The following KDM6A variants were observed in gnomAD, a reference collection of about 807,000 sequenced individuals.
KDM6A encodes lysine demethylase 6A.
A neutral mutation model predicts 117.6 loss-of-function variants in KDM6A; 11 were observed. The ratio of observed to expected loss-of-function variants is 0.09; its 90% CI spans 0.06 to 0.15. The LOEUF (loss-of-function observed/expected upper bound fraction) is 0.15. Ranked by LOEUF, KDM6A falls within the 10% of genes least tolerant of loss-of-function variation. The pLI is 1.00. For missense variants in KDM6A, 799 were observed against 1,077.3 expected (o/e 0.74, Z 3.62); for synonymous variants, 384 against 396.1 (o/e 0.97, Z 0.36).
At chrX:45,054,244 T>C (rs1286009680) in intron 10 of KDM6A, among the ~76,000 whole-genome samples, 1 of 111,979 alleles carries the variant, frequency 8.9e-6, no homozygotes, top group Non-Finnish European at 1.9e-5. Context: ...ATAGTAACTT[T>C]TAATGAAGTA....
chrX:45,110,986 C>G (rs1472437879), intron 29 of KDM6A, among the ~76,000 whole-genome samples: 1 of 111,969 alleles, frequency 8.9e-6, no homozygotes, highest in African/African-American at 3.2e-5. Context: ...AGAAAATTAT[C>G]TGAAATATGT....
At position 45,078,466 on chromosome X, in the gene KDM6A, G is replaced by A; in HGVS notation, c.3055G>A (p.Val1019Ile). 1 of 1,209,699 alleles carries A rather than the reference G, an allele frequency of 8.3e-7. No individual in the cohort carries two copies. Among genetic ancestry groups the A allele is most frequent in the East Asian group, 3.0e-5 (1 of 33,736 alleles). The change falls in exon 20 of 30, where the codon GTT becomes ATT. Residue 1019 changes from valine to isoleucine, a missense_variant. This residue lies in a region of KDM6A where 291 missense variants were observed against 437.9 expected (regional missense o/e 0.66). Coordinates refer to ENST00000611820, the MANE Select transcript of KDM6A (RefSeq NM_001291415.2). ...ATTTTGTACAAATCCGAACAACCCTGTTACAGTAATACGTGGCCTTGCTGG... is the reference window on the plus strand; with the variant it reads ...ATTTTGTACAAATCCGAACAACCCTATTACAGTAATACGTGGCCTTGCTGG... ...HQFCTNPNNP[V>I]TVIRGLAGAL...
At chrX:45,067,301 A>G (rs2044572209) in intron 17 of KDM6A, among the ~76,000 whole-genome samples, 2 of 112,047 alleles carry the variant, frequency 1.8e-5, no homozygotes, top group South Asian at 7.4e-4. Flanking sequence ...TTCAGCAAGT[A>G]CTCTAAAGAA....
chrX:45,011,008 T>G lies in KDM6A; in HGVS notation c.432T>G (p.Asn144Lys), dbSNP rs763467262. Residue 144 changes from asparagine (N) to lysine (K), a missense_variant, in exon 5 of 30, where the codon AAT becomes AAG. By Grantham distance (94) the Asn-to-Lys change is moderately conservative. This residue lies in a region of KDM6A where 89 missense variants were observed against 117.8 expected (regional missense o/e 0.76). Coordinates refer to ENST00000611820, the MANE Select transcript of KDM6A (RefSeq NM_001291415.2). ...TTGGTTTGGTCTACTTCCATTATAA[T>G]GCATTTCAGTGGTAAGTTGACATAA... ...YGLGLVYFHY[N>K]AFQWAIKAFQ... The G allele has an allele frequency of 8.4e-7, 1 of 1,186,037 alleles. No individual in the cohort carries two copies. The highest frequency in any genetic ancestry group is 3.0e-5 in the East Asian group (1 of 33,667).
intron 8 of KDM6A, among the ~76,000 whole-genome samples, chrX:45,041,214 G>A (rs1402424079): frequency 5.5e-4 from 44 of 79,838 alleles, no homozygotes; most frequent in Admixed American, 4.9e-3. Context: ...GCGGCTGGCC[G>A]GGCAGAGGGG....
chrX:45,077,195 C>A (rs112043439), intron 19 of KDM6A, among the ~76,000 whole-genome samples: 1 of 108,941 alleles, frequency 9.2e-6, no homozygotes, highest in Admixed American at 9.8e-5. Flanking sequence ...ATCTACCCCC[C>A]CAAAAAAGAT....
intron 2 of KDM6A, among the ~76,000 whole-genome samples, chrX:44,890,985 T>G (rs1018470526): frequency 9.0e-6 from 1 of 110,755 alleles, no homozygotes; most frequent in African/African-American, 3.3e-5. Flanking sequence ...GTATATTATC[T>G]TTGGTAAAAT....
At chrX:45,007,675 A>G (rs1325997823) in intron 4 of KDM6A, among the ~76,000 whole-genome samples, 4 of 112,475 alleles carry the variant, frequency 3.6e-5, no homozygotes, top group South Asian at 7.3e-4. Context: ...ATAACAAGGA[A>G]TACAGGCAGT....
intron 27 of KDM6A, among the ~76,000 whole-genome samples, chrX:45,094,580 G>A (rs997855977): frequency 3.6e-5 from 4 of 111,807 alleles, no homozygotes; most frequent in African/African-American, 9.8e-5. Context: ...AAAATAGTTG[G>A]CTTGTGTAGA....
rs2042746266 is a variant in KDM6A at position 45,034,967 on chromosome X, A to G, written c.601A>G (p.Thr201Ala). 10 of 1,202,883 alleles carry G rather than the reference A, an allele frequency of 8.3e-6. No homozygotes were observed. Among genetic ancestry groups the G allele is most frequent in the Non-Finnish European group, 1.1e-5 (10 of 887,331 alleles). Residue 201 changes from threonine to alanine, a missense_variant, in exon 7 of 30, where the codon ACT (threonine) becomes GCT (alanine). Thr to Ala is a moderately conservative substitution (Grantham distance 58). This residue lies in a region of KDM6A where 63 missense variants were observed against 68.2 expected (regional missense o/e 0.92). Transcript: ENST00000611820. ...QLALVDCNPC[T>A]LSNAEIQFHI... ...AGCTTTGGTTGACTGTAATCCCTGC[A>G]CTTTGTCCAATGCTGAAAGTAAGTA...
intron 25 of KDM6A, among the ~76,000 whole-genome samples, chrX:45,088,513 G>A (rs1284659929): frequency 8.8e-6 from 1 of 113,513 alleles, no homozygotes; most frequent in African/African-American, 3.2e-5. Flanking sequence ...AACAGGCAGT[G>A]GGCTGAATTT....
At chrX:44,964,741 AT>A (rs1174122417) in intron 3 of KDM6A, among the ~76,000 whole-genome samples, 1 of 111,945 alleles carries the variant, frequency 8.9e-6, no homozygotes, top group Non-Finnish European at 1.9e-5. Flanking sequence ...TAGACAGTAG[AT>A]TTAGCATATT....
intron 4 of KDM6A, among the ~76,000 whole-genome samples, chrX:44,983,809 A>G (rs2040036906): frequency 9.1e-6 from 1 of 110,105 alleles, no homozygotes; most frequent in South Asian, 3.9e-4. Flanking sequence ...CCAGTCTATC[A>G]TTGTTGGACA....
At chrX:45,077,080 C>T (rs944770811) in intron 19 of KDM6A, among the ~76,000 whole-genome samples, 1 of 110,082 alleles carries the variant, frequency 9.1e-6, no homozygotes, top group Non-Finnish European at 1.9e-5. Flanking sequence ...TTTTGAGCAG[C>T]GTTAGGAAAA....
At position 45,042,231 on chromosome X, in the gene KDM6A, GGGAGACCGTGGAA is replaced by G. The variant is rs1164417927; in HGVS notation, c.654+4555_654+4567del. Among the ~76,000 whole-genome samples, 40 of 84,090 alleles carry G rather than the reference GGGAGACCGTGGAA, an allele frequency of 4.8e-4. 1 individual carries two copies. The highest frequency in any genetic ancestry group is 6.6e-4 in the Non-Finnish European group (31 of 46,662). 73.0% of individuals were successfully genotyped at this position (84,090 alleles called of 115,157 possible). On this transcript the variant is annotated intron_variant, in intron 8 of 29. Transcript: ENST00000611820. ...CGTCCAGCTTCGGCTCGGCATCAGA[GGGAGACCGTGGAA>G]GGAGACCGTGGAGGGAGAGGGGAGA...
intron 2 of KDM6A, among the ~76,000 whole-genome samples, chrX:44,924,002 C>T (rs1420137628): frequency 8.9e-6 from 1 of 112,286 alleles, no homozygotes; most frequent in Non-Finnish European, 1.9e-5. Context: ...GGATTACAGG[C>T]ATGAGCCACT....
chrX:44,899,255 G>C (rs761788363), intron 2 of KDM6A, among the ~76,000 whole-genome samples: 258 of 101,404 alleles, frequency 2.5e-3, no homozygotes, highest in Non-Finnish European at 4.4e-3. Flanking sequence ...GTGTGTGTGT[G>C]TGTGTGTGTT....
chrX:45,003,420 A>C (rs759591762), intron 4 of KDM6A, among the ~76,000 whole-genome samples: 11 of 98,028 alleles, frequency 1.1e-4, no homozygotes, highest in African/African-American at 3.3e-4. Context: ...TTTTTTTAAC[A>C]GAATAGCCTC....
chrX:44,997,566 AG>A (rs1427957469), intron 4 of KDM6A, among the ~76,000 whole-genome samples: 2 of 111,611 alleles, frequency 1.8e-5, no homozygotes, highest in East Asian at 5.6e-4. Flanking sequence ...GGGGCGTGGC[AG>A]GTAGGCAGAA....
Sources: gnomAD v4.1 joint callset for allele counts (sites outside exome capture counted in the v4.1 genomes callset) on GRCh38, gnomAD v4.1.1 for gene constraint, gnomAD v4.1.1 regional missense constraint, MANE v1.5 for transcripts, NCBI Gene and HGNC (gene_info 2026-07-23, HGNC 2026-07-21) for gene names.